The following USP40 variants were observed in gnomAD, a reference collection of about 807,000 sequenced individuals.
USP40 encodes the protein ubiquitin specific peptidase 40, also known as ubiquitin carboxyl-terminal hydrolase 40.
A neutral mutation model predicts 166.2 loss-of-function variants in USP40; 143 were observed. The ratio of observed to expected loss-of-function variants is 0.86; its 90% CI spans 0.75 to 0.99. USP40 has a LOEUF of 0.99. Ranked by LOEUF, USP40 falls within the 50% of genes least tolerant of loss-of-function variation. The pLI is 0.00. For missense variants in USP40, 1,444 were observed against 1,479.7 expected (o/e 0.98, Z 0.40); for synonymous variants, 498 against 524.0 (o/e 0.95, Z 0.68).
At chr2:233,560,650 G>C (rs1216026496) in intron 3 of USP40, 5 of 200,826 alleles carry the variant, frequency 2.5e-5, no homozygotes, top group Admixed American at 2.1e-4. Context: ...ATTTGAGCCT[G>C]AACATGGTAA....
intron 21 of USP40, among the ~76,000 whole-genome samples, chr2:233,503,233 G>A (rs1056150894): frequency 6.6e-6 from 1 of 152,010 alleles, no homozygotes; most frequent in Non-Finnish European, 1.5e-5. Context: ...AGAATAAAAA[G>A]AATTAACAAT....
Position 233,512,621 on chromosome 2 carries a change from A to G in USP40, c.2385T>C (p.Ala795=). 3 of 1,555,034 alleles carry G rather than the reference A, an allele frequency of 1.9e-6. No individual in the cohort carries two copies. Among genetic ancestry groups the G allele is most frequent in the Non-Finnish European group, 1.7e-6 (2 of 1,148,434 alleles). ...IKELKLMKEL[A]DNSCLRPIDR... ...CAATAGGTCTCAAACAGCTGTTGTCAGCTATATATAAAAGGAATATTATTT... is the reference window on the plus strand; with the variant it reads ...CAATAGGTCTCAAACAGCTGTTGTCGGCTATATATAAAAGGAATATTATTT... The change falls in exon 19 of 32, where the codon GCT becomes GCC. Residue 795 remains alanine (A), a splice_region_variant and synonymous_variant. Transcript: ENST00000678225.
At chr2:233,540,985 G>C (rs960586564) in intron 9 of USP40, among the ~76,000 whole-genome samples, 4 of 152,126 alleles carry the variant, frequency 2.6e-5, no homozygotes, top group African/African-American at 9.7e-5. Flanking sequence ...TTTTCCATGT[G>C]CCATCTTCCA....
rs2065774881 is a variant in USP40, at chr2:233,496,809, C to T, written c.2739G>A (p.Leu913=). 1 of 1,612,396 alleles carries T rather than the reference C, an allele frequency of 6.2e-7. No homozygotes were observed. Among genetic ancestry groups the T allele is most frequent in the Non-Finnish European group, 8.5e-7 (1 of 1,179,280 alleles). The change falls in exon 24 of 32, where the codon CTG becomes CTA. Residue 913 remains leucine (L), a synonymous_variant. Coordinates refer to ENST00000678225, the MANE Select transcript of USP40 (RefSeq NM_001365479.2). ...CEEDATLKEL[L]ICSGDTLLLI... is the part of the protein sequence containing the mutation. Reference sequence around the variant, plus strand: ...AAAGCAAAGTATCTCCAGAACATATCAGAAGTTCTTTCAGTGTTGCATCCT... The same window carrying T: ...AAAGCAAAGTATCTCCAGAACATATTAGAAGTTCTTTCAGTGTTGCATCCT...
chr2:233,525,403 G>T, intron 14 of USP40, 75 bp downstream of exon 14: 1 of 1,064,114 alleles, frequency 9.4e-7, no homozygotes, highest in Non-Finnish European at 1.4e-6. Flanking sequence ...CTGACAAAGA[G>T]TAGAAAATCG....
intron 30 of USP40, among the ~76,000 whole-genome samples, chr2:233,482,254 A>C (rs2125029282): frequency 6.6e-6 from 1 of 152,054 alleles, no homozygotes; most frequent in African/African-American, 2.4e-5. Context: ...GAGGCTGGGG[A>C]ATGGGAGACT....
rs576407648 is a variant in USP40, at chr2:233,497,315, T to C, written c.2716-483A>G. The stretch of plus-strand genomic sequence containing the variant: ...CAGGCACTAACCACAGGACATGGAA[T>C]AGAAATAAAGGAGCCACACAAGATT... On this transcript the variant is annotated intron_variant, in intron 23 of 31. Transcript: ENST00000678225. Among the ~76,000 whole-genome samples the C allele has an allele frequency of 7.2e-5, 11 of 152,256 alleles. No individual in the cohort carries two copies. The South Asian group carries it at 2.3e-3, about 32-fold the overall frequency.
intron 31 of USP40, among the ~76,000 whole-genome samples, chr2:233,478,631 T>C (rs2064337112): frequency 6.6e-6 from 1 of 152,306 alleles, no homozygotes. Context: ...AAATGGTGAA[T>C]ATACAAGGTT....
intron 23 of USP40, among the ~76,000 whole-genome samples, 177 bp downstream of exon 23, chr2:233,498,371 G>C (rs1245248518): frequency 6.6e-6 from 1 of 152,144 alleles, no homozygotes; most frequent in Non-Finnish European, 1.5e-5. Flanking sequence ...CCACTGCACT[G>C]TGACTTCCCC....
intron 30 of USP40, among the ~76,000 whole-genome samples, chr2:233,483,068 C>T (rs548090264): frequency 4.6e-5 from 7 of 152,202 alleles, no homozygotes; most frequent in African/African-American, 7.2e-5. Context: ...TGTGTTACTG[C>T]GTATGTCGCT....
At chr2:233,532,202 C>T (rs903592629) in intron 11 of USP40, among the ~76,000 whole-genome samples, 4 of 152,190 alleles carry the variant, frequency 2.6e-5, no homozygotes, top group Admixed American at 6.5e-5. Context: ...TGCATCTTTG[C>T]AACTTCACTC....
Position 233,562,560 on chromosome 2 carries a change from TGTTGTGG to T in USP40, c.267+169_267+175del, listed in dbSNP as rs2071736780. ...AAGGGGAACATCACACTCTGGGGACTGTTGTGGGTTGGGGGGAGGGGGGAGGGATAGC... is the reference window on the plus strand; with the variant it reads ...AAGGGGAACATCACACTCTGGGGACTGTTGGGGGGAGGGGGGAGGGATAGC... On this transcript the variant is annotated intron_variant, in intron 3 of 31. Coordinates refer to ENST00000678225, the MANE Select transcript of USP40 (RefSeq NM_001365479.2). Among the ~76,000 whole-genome samples, 4 of 109,474 alleles carry T rather than the reference TGTTGTGG, an allele frequency of 3.7e-5. No homozygotes were observed. In the South Asian group the frequency reaches 1.4e-3, roughly 38 times the overall value. 71.8% of individuals were successfully genotyped at this position (109,474 alleles called of 152,430 possible). A position where few individuals can be genotyped will look rare whatever the true frequency, so the allele number is the denominator to read the frequency against.
chr2:233,563,921 C>G (rs73123148), intron 2 of USP40, among the ~76,000 whole-genome samples: 1,983 of 152,304 alleles, frequency 0.013, 41 homozygotes, highest in African/African-American at 0.045. Flanking sequence ...ACTTCACCAT[C>G]TTCCTCAGTC....
At chr2:233,509,957 G>A in intron 21 of USP40, 92 bp downstream of exon 21, 1 of 961,808 alleles carries the variant, frequency 1.0e-6, no homozygotes. Flanking sequence ...CCTAGTTTAG[G>A]ACCTCCAAAT....
At chr2:233,542,453 G>A in intron 8 of USP40, 90 bp from the exon 9 acceptor site, 2 of 729,168 alleles carry the variant, frequency 2.7e-6, no homozygotes, top group East Asian at 3.0e-5. Context: ...GCTCACACCT[G>A]TAATCCCAGC....
At chr2:233,479,360 T>G (rs769147975) in intron 31 of USP40, among the ~76,000 whole-genome samples, 2 of 152,068 alleles carry the variant, frequency 1.3e-5, no homozygotes, top group Non-Finnish European at 2.9e-5. Flanking sequence ...GTCAAGAGAT[T>G]GAGACCATCC....
rs566041706 is a variant in USP40 at position 233,528,193 on chromosome 2, G to A, written c.1554-615C>T. Among the ~76,000 whole-genome samples the A allele has an allele frequency of 5.3e-5, 8 of 152,270 alleles. No homozygotes were observed. The South Asian group carries it at 1.5e-3, about 28-fold the overall frequency. On this transcript the variant is annotated intron_variant, in intron 12 of 31. Transcript: ENST00000678225. ...GGGGTTTCACCATGTTGACCAGGCT[G>A]GTCTTGAACTCCTGATCTCAGGTGA...
rs1559209203 is a variant in USP40, at chr2:233,481,260, A to G, written c.3542T>C (p.Ile1181Thr). ...CTTTTCTTTTCCAGTGTCATCTCTGATTGTACTGAAATCATCATCGTCGTC... is the reference window on the plus strand; with the variant it reads ...CTTTTCTTTTCCAGTGTCATCTCTGGTTGTACTGAAATCATCATCGTCGTC... ...LIDDDDDFST[I>T]RDDTGKEKQK... Residue 1181 changes from isoleucine to threonine, a missense_variant, in exon 31 of 32, where the codon ATC (isoleucine) becomes ACC (threonine). Physicochemically the swap from Ile to Thr is moderately conservative, Grantham distance 89. Coordinates refer to ENST00000678225, the MANE Select transcript of USP40 (RefSeq NM_001365479.2). The G allele has an allele frequency of 1.2e-6, 2 of 1,607,666 alleles. No individual in the cohort carries two copies. Among genetic ancestry groups the G allele is most frequent in the East Asian group, 4.5e-5 (2 of 44,834 alleles).
intron 15 of USP40, among the ~76,000 whole-genome samples, chr2:233,524,222 C>T (rs1005528086): frequency 2.6e-5 from 4 of 152,084 alleles, no homozygotes; most frequent in African/African-American, 7.2e-5. Context: ...CTCCACTTTC[C>T]GGGTTCAAGC....
Sources: gnomAD v4.1 joint callset for allele counts (sites outside exome capture counted in the v4.1 genomes callset) on GRCh38, gnomAD v4.1.1 for gene constraint, MANE v1.5 for transcripts, NCBI Gene and HGNC (gene_info 2026-07-23, HGNC 2026-07-21) for gene names.